ZNF385B: variants seen among roughly 807,000 people sequenced by gnomAD.
ZNF385B encodes the protein zinc finger protein 385B, also known as zinc finger protein 533.
In ZNF385B, 23 loss-of-function variants were observed where a neutral mutation model predicts 39.2. That is an observed-to-expected ratio of 0.59 (90% confidence interval 0.42 to 0.83). The LOEUF (loss-of-function observed/expected upper bound fraction) is 0.83. Ranked by LOEUF, ZNF385B falls within the 40% of genes least tolerant of loss-of-function variation. The probability of loss-of-function intolerance (pLI) is 0.00; values close to 1 mark genes in which losing one functional copy is unlikely to be tolerated. For synonymous variants in ZNF385B, 205 were observed against 222.6 expected, an observed-to-expected ratio of 0.92 and a Z score of 0.70; for missense variants, 552 against 598.9, an observed-to-expected ratio of 0.92 and a Z score of 0.82.
intron 3 of ZNF385B, among the ~76,000 whole-genome samples, chr2:179,626,967 T>C (rs549278281): frequency 6.6e-6 from 1 of 152,292 alleles, no homozygotes; most frequent in African/African-American, 2.4e-5. Context: ...AGAAGAAGAT[T>C]AGGAAAGTTA....
intron 6 of ZNF385B, among the ~76,000 whole-genome samples, chr2:179,455,995 T>C (rs1559251528): frequency 6.6e-6 from 1 of 152,298 alleles, no homozygotes. Context: ...CCTAGATGTG[T>C]GTGAGTACTA....
chr2:179,739,870 T>A (rs1376370218), intron 3 of ZNF385B, among the ~76,000 whole-genome samples: 1 of 151,996 alleles, frequency 6.6e-6, no homozygotes, highest in African/African-American at 2.4e-5. Context: ...ACTGCAAGAG[T>A]GGTATTCATT....
intron 1 of ZNF385B, among the ~76,000 whole-genome samples, chr2:179,789,079 T>C (rs887789266): frequency 6.6e-6 from 1 of 152,194 alleles, no homozygotes; most frequent in African/African-American, 2.4e-5. Context: ...AATGTTACAT[T>C]TGATGACATT....
chr2:179,655,130 G>C (rs966090243), intron 3 of ZNF385B, among the ~76,000 whole-genome samples: 1 of 152,044 alleles, frequency 6.6e-6, no homozygotes, highest in Non-Finnish European at 1.5e-5. Context: ...CTACTTGTGG[G>C]CTACTTCTGC....
intron 3 of ZNF385B, among the ~76,000 whole-genome samples, chr2:179,608,585 G>A (rs1166349765): frequency 6.6e-6 from 1 of 152,042 alleles, no homozygotes; most frequent in African/African-American, 2.4e-5. Flanking sequence ...AATAAAATCA[G>A]AATTTTAATC....
At chr2:179,493,651 A>ACACATATGCGTG (rs2055625519) in intron 5 of ZNF385B, among the ~76,000 whole-genome samples, 5 of 113,078 alleles carry the variant, frequency 4.4e-5, no homozygotes, top group African/African-American at 1.6e-4. Flanking sequence ...ACATATGCGT[A>ACACATATGCGTG]TACATATATG....
chr2:179,494,997 G>A (rs931567897), intron 5 of ZNF385B, among the ~76,000 whole-genome samples: 10 of 152,098 alleles, frequency 6.6e-5, no homozygotes, highest in Non-Finnish European at 1.2e-4. Context: ...AAGTAAAGGC[G>A]ACTTTGTCTT....
At chr2:179,850,814 G>A (rs760384845) in intron 1 of ZNF385B, among the ~76,000 whole-genome samples, 11 of 152,158 alleles carry the variant, frequency 7.2e-5, no homozygotes, top group Non-Finnish European at 1.5e-4. Context: ...TAGACCGAGA[G>A]ATCCTTAGTG....
intron 3 of ZNF385B, among the ~76,000 whole-genome samples, chr2:179,667,519 T>C (rs1489513376): frequency 1.3e-5 from 2 of 152,148 alleles, no homozygotes; most frequent in Non-Finnish European, 2.9e-5. Context: ...TCTATCCCAT[T>C]CCAGCCATAG....
intron 3 of ZNF385B, among the ~76,000 whole-genome samples, chr2:179,554,602 G>GA (rs2060787938): frequency 6.7e-6 from 1 of 148,794 alleles, no homozygotes; most frequent in African/African-American, 2.5e-5. Context: ...AATCATAAAA[G>GA]AAAAAAATTG....
chr2:179,851,932 G>A (rs1313789020), intron 1 of ZNF385B, among the ~76,000 whole-genome samples: 1 of 152,184 alleles, frequency 6.6e-6, no homozygotes, highest in Non-Finnish European at 1.5e-5. Flanking sequence ...CCAGCTATGA[G>A]TACATTATAC....
At chr2:179,549,841 C>A (rs1445328047) in intron 3 of ZNF385B, among the ~76,000 whole-genome samples, 1 of 148,876 alleles carries the variant, frequency 6.7e-6, no homozygotes, top group Non-Finnish European at 1.5e-5. Flanking sequence ...GAGTAGCATT[C>A]AGCAAAAATA....
intron 1 of ZNF385B, among the ~76,000 whole-genome samples, chr2:179,824,280 C>CT (rs1322134477): frequency 1.3e-5 from 2 of 152,082 alleles, no homozygotes; most frequent in East Asian, 3.9e-4. Context: ...AATGAGAGCC[C>CT]TTTTGGAGCT....
At chr2:179,844,543 G>A (rs554726293) in intron 1 of ZNF385B, among the ~76,000 whole-genome samples, 1 of 152,232 alleles carries the variant, frequency 6.6e-6, no homozygotes, top group South Asian at 2.1e-4. Flanking sequence ...GCTACCACTG[G>A]TGTTATTTCT....
rs74879221 is a variant in ZNF385B at position 179,645,982 on chromosome 2, G to T, written c.299-101013C>A. Among the ~76,000 whole-genome samples the T allele has an allele frequency of 1.6e-4, 24 of 152,268 alleles. No homozygotes were observed. The East Asian group carries it at 3.9e-3, about 24-fold the overall frequency. On this transcript the variant is annotated intron_variant, in intron 3 of 9. Coordinates refer to ENST00000410066, the MANE Select transcript of ZNF385B (RefSeq NM_152520.6). The stretch of plus-strand genomic sequence containing the variant: ...TTAAGAACCACATAGGGTATAATCT[G>T]TCTCCTTCTTTCCATTGCCATCCCC...
chr2:179,605,042 A>G (rs1343619680), intron 3 of ZNF385B, among the ~76,000 whole-genome samples: 1 of 152,112 alleles, frequency 6.6e-6, no homozygotes, highest in Non-Finnish European at 1.5e-5. Context: ...TATATCTTTA[A>G]TATAATAACG....
intron 7 of ZNF385B, among the ~76,000 whole-genome samples, 165 bp downstream of exon 7, chr2:179,446,360 T>C (rs1263910234): frequency 6.6e-6 from 1 of 152,208 alleles, no homozygotes; most frequent in Non-Finnish European, 1.5e-5. Flanking sequence ...TCTTGCTAGT[T>C]CCAAAGTCAT....
At chr2:179,477,919 CA>C (rs2053601198) in intron 6 of ZNF385B, among the ~76,000 whole-genome samples, 1 of 152,116 alleles carries the variant, frequency 6.6e-6, no homozygotes, top group Non-Finnish European at 1.5e-5. Flanking sequence ...CAGCTTATAC[CA>C]AAACGGTCAG....
intron 3 of ZNF385B, among the ~76,000 whole-genome samples, chr2:179,743,386 C>G (rs983802159): frequency 2.0e-5 from 3 of 152,058 alleles, no homozygotes; most frequent in African/African-American, 7.2e-5. Context: ...GCACATATTA[C>G]ACTCTGTATT....
Sources: allele counts gnomAD v4.1 joint callset (sites outside exome capture counted in the v4.1 genomes callset), GRCh38; gene constraint gnomAD v4.1.1; transcripts MANE v1.5; gene names NCBI Gene and HGNC (gene_info 2026-07-23, HGNC 2026-07-21).